The following ZFHX4 variants were observed in gnomAD, a reference collection of about 807,000 sequenced individuals.
ZFHX4 encodes the protein zinc finger homeobox protein 4.
In ZFHX4, 56 loss-of-function variants were observed where a neutral mutation model predicts 267.6. That is an observed-to-expected ratio of 0.21 (90% CI 0.17 to 0.26). The LOEUF (loss-of-function observed/expected upper bound fraction) is 0.26. Among genes scored for constraint, ZFHX4 ranks in the 10% least tolerant of loss-of-function variants. The probability of loss-of-function intolerance (pLI) is 1.00; values close to 1 mark genes in which losing one functional copy is unlikely to be tolerated. For missense variants in ZFHX4, 4,332 were observed against 4,420.0 expected, an observed-to-expected ratio of 0.98 and a Z score of 0.56; for synonymous variants, 1,778 against 1,665.6, an observed-to-expected ratio of 1.07 and a Z score of -1.64.
rs781364410 is a variant in ZFHX4, at chr8:76,864,011, A to G, written c.10297A>G (p.Ile3433Val). ...KSFCYFGQPL[I>V]DPQETVLRVP... is the part of the protein sequence containing the mutation. ...CTTCTGTTATTTCGGTCAGCCTTTG[A>G]TTGACCCACAAGAGACAGTGCTTCG... The change falls in exon 11 of 11, where the codon ATT becomes GTT. Residue 3433 changes from isoleucine to valine, a missense_variant. By Grantham distance (29) the Ile-to-Val change is conservative (BLOSUM62 3). Coordinates refer to ENST00000651372, the MANE Select transcript of ZFHX4 (RefSeq NM_024721.5). 18 of 1,613,676 alleles carry G rather than the reference A, an allele frequency of 1.1e-5. No homozygotes were observed. Among genetic ancestry groups the G allele is most frequent in the South Asian group, 8.8e-5 (8 of 91,072 alleles).
chr8:76,823,135 T>C (rs1304099864), intron 4 of ZFHX4, among the ~76,000 whole-genome samples: 2 of 151,516 alleles, frequency 1.3e-5, no homozygotes, highest in Non-Finnish European at 2.9e-5. Flanking sequence ...GTCTCCTTTT[T>C]TTTTTTTTTT....
Position 76,827,262 on chromosome 8 carries a change from T to G in ZFHX4, c.3326-6076T>G, listed in dbSNP as rs1349232322. Among the ~76,000 whole-genome samples the G allele has an allele frequency of 3.3e-5, 5 of 152,196 alleles. No homozygotes were observed. In the East Asian group the frequency reaches 7.7e-4, roughly 23 times the overall value. On this transcript the variant is annotated intron_variant, in intron 4 of 10. Coordinates refer to ENST00000651372, the MANE Select transcript of ZFHX4 (RefSeq NM_024721.5). ...GATCCCTTGCATGTGCAGTTCATAA[T>G]AGGGTTCATGCTACTGTGAGAATCT...
chr8:76,778,455 G>T lies in ZFHX4; in HGVS notation c.3325+16G>T. 6.2e-7 allele frequency: 1 copy of T among 1,604,430 alleles called. No individual in the cohort carries two copies. On this transcript the variant is annotated intron_variant, in intron 4 of 10. Transcript: ENST00000651372. ...AATGAGCTTGGTGAGTAACCCTGAA[G>T]AGGGCTGTCTCTGAGCCTCCCTCCA...
chr8:76,794,846 G>C (rs776671275), intron 4 of ZFHX4, among the ~76,000 whole-genome samples: 1 of 151,692 alleles, frequency 6.6e-6, no homozygotes, highest in Non-Finnish European at 1.5e-5. Flanking sequence ...AAAATGGATA[G>C]AGATGGAGAA....
intron 4 of ZFHX4, among the ~76,000 whole-genome samples, chr8:76,818,544 A>T (rs1811564127): frequency 6.6e-6 from 1 of 152,166 alleles, no homozygotes; most frequent in South Asian, 2.1e-4. Context: ...GGAGGCAGAG[A>T]GCTCATTCAA....
rs569562571 is a variant in ZFHX4 at position 76,758,534 on chromosome 8, A to G, written c.3094-19674A>G. ...TTTTGAGACAATGTCTTACTTTGTC[A>G]CCCAGGCTGGAGTGCAGTAGCACGA... On this transcript the variant is annotated intron_variant, in intron 3 of 10. Coordinates refer to ENST00000651372, the MANE Select transcript of ZFHX4 (RefSeq NM_024721.5). Among the ~76,000 whole-genome samples the G allele has an allele frequency of 2.6e-5, 4 of 152,222 alleles. No individual in the cohort carries two copies. In the East Asian group the frequency reaches 7.7e-4, roughly 29 times the overall value.
At chr8:76,722,499 A>G (rs1808748030) in intron 3 of ZFHX4, among the ~76,000 whole-genome samples, 1 of 151,992 alleles carries the variant, frequency 6.6e-6, no homozygotes, top group Admixed American at 6.6e-5. Context: ...AGAGTGAAAA[A>G]TATACACAAA....
At chr8:76,771,151 G>A (rs1030772077) in intron 3 of ZFHX4, among the ~76,000 whole-genome samples, 2 of 152,056 alleles carry the variant, frequency 1.3e-5, no homozygotes, top group South Asian at 2.1e-4. Flanking sequence ...CCTTTATCAG[G>A]TTGGCATACT....
chr8:76,855,675 C>T lies in ZFHX4; in HGVS notation c.8754C>T (p.Pro2918=). 6.2e-7 allele frequency: 1 copy of T among 1,613,932 alleles called. No homozygotes were observed. The highest frequency in any genetic ancestry group is 8.5e-7 in the Non-Finnish European group (1 of 1,179,860). ...SSPNPFGSSN[P]FKSKSNDRPG... is the part of the protein sequence containing the mutation. ...CAAATCCATTCGGATCCAGCAATCC[C>T]TTTAAATCCAAAAGTAATGATCGGC... Residue 2918 remains proline (P), a synonymous_variant, in exon 10 of 11, where the codon CCC becomes CCT. Coordinates refer to ENST00000651372, the MANE Select transcript of ZFHX4 (RefSeq NM_024721.5).
chr8:76,845,296 T>G (rs1334100096), intron 6 of ZFHX4, among the ~76,000 whole-genome samples: 1 of 152,116 alleles, frequency 6.6e-6, no homozygotes, highest in Admixed American at 6.6e-5. Context: ...TTTAGATTAA[T>G]TATAATCCAA....
intron 3 of ZFHX4, among the ~76,000 whole-genome samples, chr8:76,723,799 AC>A (rs1184366514): frequency 5.3e-5 from 8 of 152,002 alleles, no homozygotes; most frequent in African/African-American, 1.7e-4. Flanking sequence ...TTGACGTGGA[AC>A]ATTTGTGTCG....
At chr8:76,816,751 A>G (rs1205794637) in intron 4 of ZFHX4, among the ~76,000 whole-genome samples, 1 of 151,854 alleles carries the variant, frequency 6.6e-6, no homozygotes, top group Non-Finnish European at 1.5e-5. Flanking sequence ...GCCTGCAACC[A>G]TGCCCGGCTA....
At chr8:76,697,330 G>T (rs770399280) in intron 1 of ZFHX4, among the ~76,000 whole-genome samples, 12 of 151,852 alleles carry the variant, frequency 7.9e-5, no homozygotes, top group Non-Finnish European at 1.8e-4. Flanking sequence ...TACTAGTTCG[G>T]TATATCTATT....
intron 3 of ZFHX4, among the ~76,000 whole-genome samples, chr8:76,739,567 G>C (rs938320306): frequency 6.6e-6 from 1 of 152,084 alleles, no homozygotes; most frequent in African/African-American, 2.4e-5. Flanking sequence ...GAGTGATCAG[G>C]AAAGGCTTCA....
rs763957914 is a variant in ZFHX4, at chr8:76,852,856, G to A, written c.5935G>A (p.Glu1979Lys). The change falls in exon 10 of 11, where the codon GAA becomes AAA. Residue 1979 changes from glutamate to lysine, a missense_variant. Glu to Lys is a moderately conservative substitution (Grantham distance 56). Transcript: ENST00000651372. ...GCAATTTTTTCCATATGCAGCGCTA[G>A]AAAAATTTGCTCGTCAATACAGGGA... ...HGQFFPYAAL[E>K]KFARQYREAY... The A allele has an allele frequency of 1.2e-6, 2 of 1,613,828 alleles. No individual in the cohort carries two copies. The highest frequency in any genetic ancestry group is 1.7e-5 in the Admixed American group (1 of 59,996).
At chr8:76,745,025 C>T (rs920488044) in intron 3 of ZFHX4, among the ~76,000 whole-genome samples, 4 of 152,134 alleles carry the variant, frequency 2.6e-5, no homozygotes, top group African/African-American at 9.7e-5. Context: ...CAATGCTGGG[C>T]CATGATGACA....
At position 76,854,896 on chromosome 8, in the gene ZFHX4, C is replaced by T. The variant is rs774721534; in HGVS notation, c.7975C>T (p.Arg2659Trp). 6.2e-7 allele frequency: 1 copy of T among 1,612,976 alleles called. No individual in the cohort carries two copies. Among genetic ancestry groups the T allele is most frequent in the South Asian group, 1.1e-5 (1 of 90,992 alleles). Residue 2659 changes from arginine to tryptophan, a missense_variant, in exon 10 of 11, where the codon CGG (arginine) becomes TGG (tryptophan). Arg to Trp is a moderately radical substitution (Grantham distance 101). Transcript: ENST00000651372. Reference sequence around the variant, plus strand: ...AGTCTGGTTCCAGAATACACGAGCGCGGGAGAGGAAAGGCCAGTTCCGGGC... The same window carrying T: ...AGTCTGGTTCCAGAATACACGAGCGTGGGAGAGGAAAGGCCAGTTCCGGGC... ...VQVWFQNTRARERKGQFRAVG... is the reference protein window; with the variant it reads ...VQVWFQNTRAWERKGQFRAVG...
chr8:76,734,442 C>A (rs1012795094), intron 3 of ZFHX4, among the ~76,000 whole-genome samples: 1 of 152,126 alleles, frequency 6.6e-6, no homozygotes, highest in Non-Finnish European at 1.5e-5. Flanking sequence ...CTCTGTAAAC[C>A]TGGCCTAATA....
rs188291890 is a variant in ZFHX4 at position 76,781,585 on chromosome 8, G to A, written c.3325+3146G>A. 3.3e-5 allele frequency among the ~76,000 whole-genome samples: 5 copies of A among 152,096 alleles called. No homozygotes were observed. In the East Asian group the frequency reaches 9.7e-4, roughly 29 times the overall value. ...TGTTGGCATTGTGGATGCATAATTT[G>A]GGTGGAAGATTTTTTGACCTATTAA... On this transcript the variant is annotated intron_variant, in intron 4 of 10. Coordinates refer to ENST00000651372, the MANE Select transcript of ZFHX4 (RefSeq NM_024721.5).
Sources: gnomAD v4.1 joint callset for allele counts (sites outside exome capture counted in the v4.1 genomes callset) on GRCh38, gnomAD v4.1.1 for gene constraint, MANE v1.5 for transcripts, NCBI Gene and HGNC (gene_info 2026-07-23, HGNC 2026-07-21) for gene names.